ATF7IP: variants seen among roughly 807,000 people sequenced by gnomAD.
The protein encoded by ATF7IP is activating transcription factor 7 interacting protein.
Under a neutral mutation model 106.4 loss-of-function variants are expected in ATF7IP, and 23 were observed. That is an observed-to-expected ratio of 0.22 (90% CI 0.16 to 0.31). ATF7IP has a LOEUF of 0.31. ATF7IP is among the 10% of genes least tolerant of loss of function. The pLI is 1.00. For synonymous variants in ATF7IP, 542 were observed against 539.0 expected (o/e 1.01, Z -0.08); for missense variants, 1,334 against 1,524.3 (o/e 0.88, Z 2.08).
At chr12:14,397,196 A>G (rs1339708057) in intron 1 of ATF7IP, among the ~76,000 whole-genome samples, 4 of 152,112 alleles carry the variant, frequency 2.6e-5, no homozygotes, top group Non-Finnish European at 5.9e-5. Context: ...CAAAAAAACA[A>G]AACACCAAAA....
intron 5 of ATF7IP, among the ~76,000 whole-genome samples, chr12:14,444,475 A>G (rs1159074306): frequency 2.0e-5 from 3 of 152,242 alleles, no homozygotes; most frequent in South Asian, 4.1e-4. Context: ...ATAAAACCCA[A>G]TGTAATAGAA....
At chr12:14,486,656 A>C (rs909985007) in intron 13 of ATF7IP, among the ~76,000 whole-genome samples, 1 of 152,206 alleles carries the variant, frequency 6.6e-6, no homozygotes, top group African/African-American at 2.4e-5. Context: ...TTAATTATCC[A>C]ATGCTAGAGC....
At chr12:14,461,174 C>T (rs781224793) in intron 9 of ATF7IP, 41 bp downstream of exon 9, 2 of 1,563,620 alleles carry the variant, frequency 1.3e-6, no homozygotes, top group East Asian at 2.3e-5. Flanking sequence ...ATGCAAGCAT[C>T]TTAATAGCCT....
chr12:14,437,978 G>A (rs111474484), intron 4 of ATF7IP, 152 bp from the exon 5 acceptor site: 8,728 of 569,594 alleles, frequency 0.015, 626 homozygotes, highest in African/African-American at 0.15. Context: ...GCGTGAACCC[G>A]GGAGGCGGAG....
At chr12:14,484,840 T>C (rs1224264762) in intron 13 of ATF7IP, among the ~76,000 whole-genome samples, 1 of 152,224 alleles carries the variant, frequency 6.6e-6, no homozygotes, top group Non-Finnish European at 1.5e-5. Context: ...GGAATGCTGC[T>C]GTGCATGACC....
At chr12:14,396,958 C>G (rs990196870) in intron 1 of ATF7IP, among the ~76,000 whole-genome samples, 1 of 151,894 alleles carries the variant, frequency 6.6e-6, no homozygotes, top group African/African-American at 2.4e-5. Context: ...GTCAGGAGTT[C>G]GAGACCAGCC....
intron 1 of ATF7IP, among the ~76,000 whole-genome samples, chr12:14,415,279 G>T (rs534730572): frequency 6.6e-6 from 1 of 152,264 alleles, no homozygotes; most frequent in South Asian, 2.1e-4. Context: ...TTTTGCCCAT[G>T]TAACACAATG....
intron 10 of ATF7IP, among the ~76,000 whole-genome samples, chr12:14,472,550 A>G: frequency 6.6e-6 from 1 of 151,794 alleles, no homozygotes; most frequent in Non-Finnish European, 1.5e-5. Context: ...CTTTCCTGAA[A>G]CCACCCTGGT....
At chr12:14,493,777 CT>C (rs1944906337) in intron 13 of ATF7IP, among the ~76,000 whole-genome samples, 1 of 152,106 alleles carries the variant, frequency 6.6e-6, no homozygotes, top group Admixed American at 6.5e-5. Context: ...ATGATAAGAG[CT>C]TGTGTCTGTT....
intron 1 of ATF7IP, among the ~76,000 whole-genome samples, chr12:14,413,737 GTTTCTT>G (rs749430996): frequency 5.3e-5 from 8 of 151,966 alleles, no homozygotes; most frequent in Non-Finnish European, 1.0e-4. Flanking sequence ...ATAAGCATCA[GTTTCTT>G]TTTCTCCTTT....
chr12:14,459,258 T>G (rs1943549515), intron 8 of ATF7IP, among the ~76,000 whole-genome samples: 1 of 152,212 alleles, frequency 6.6e-6, no homozygotes, highest in African/African-American at 2.4e-5. Flanking sequence ...GACTGCTAGT[T>G]GAGTTTACAG....
chr12:14,381,867 G>T (rs1395431552), intron 1 of ATF7IP, among the ~76,000 whole-genome samples: 2 of 148,420 alleles, frequency 1.3e-5, no homozygotes, highest in South Asian at 2.1e-4. Flanking sequence ...ATTAATTCTA[G>T]TTTTTTTTTT....
rs1316119273 is a variant in ATF7IP at position 14,438,132 on chromosome 12, T to A, written c.1794T>A (p.Val598=). The A allele has an allele frequency of 6.2e-7, 1 of 1,612,272 alleles. No homozygotes were observed. Among genetic ancestry groups the A allele is most frequent in the African/African-American group, 1.3e-5 (1 of 74,912 alleles). ...KGDINQKLQK[V]IQWLLEEKLC... ...TGAAGGAATATTTGTTTCTTTAGGT[T>A]ATACAGTGGTTGCTGGAAGAAAAAT... The change falls in exon 5 of 15, where the codon GTT becomes GTA. Residue 598 remains valine, a splice_region_variant and synonymous_variant. Transcript: ENST00000261168.
At chr12:14,390,267 A>G (rs1939472643) in intron 1 of ATF7IP, among the ~76,000 whole-genome samples, 1 of 152,230 alleles carries the variant, frequency 6.6e-6, no homozygotes, top group African/African-American at 2.4e-5. Flanking sequence ...GACTTAGAAT[A>G]TATAAAGTCA....
At position 14,386,746 on chromosome 12, in the gene ATF7IP, C is replaced by T. The variant is rs569222762; in HGVS notation, c.-8+20919C>T. ...AACAAAACTTGGAAACGAGATCGTA[C>T]ATGACAATTATAATCTTGTATTAGA... On this transcript the variant is annotated intron_variant, in intron 1 of 14. Transcript: ENST00000261168. Among the ~76,000 whole-genome samples, 6 of 152,212 alleles carry T rather than the reference C, an allele frequency of 3.9e-5. No homozygotes were observed. The South Asian group carries it at 1.2e-3, about 32-fold the overall frequency.
intron 11 of ATF7IP, 43 bp downstream of exon 11, chr12:14,476,011 T>G: frequency 2.1e-6 from 3 of 1,439,038 alleles, no homozygotes; most frequent in Non-Finnish European, 2.9e-6. Context: ...TTGATACCAT[T>G]TTTTTTGTCT....
intron 11 of ATF7IP, 40 bp downstream of exon 11, chr12:14,476,008 C>A: frequency 6.7e-7 from 1 of 1,488,202 alleles, no homozygotes; most frequent in Non-Finnish European, 9.4e-7. Context: ...GTTTTGATAC[C>A]ATTTTTTTTG....
chr12:14,471,506 G>T (rs1565541051), intron 10 of ATF7IP, among the ~76,000 whole-genome samples: 1 of 151,812 alleles, frequency 6.6e-6, no homozygotes, highest in African/African-American at 2.4e-5. Context: ...TTCCCTCTTT[G>T]TCTCTCTGAC....
At chr12:14,444,438 A>G (rs1942855648) in intron 5 of ATF7IP, among the ~76,000 whole-genome samples, 1 of 152,168 alleles carries the variant, frequency 6.6e-6, no homozygotes, top group Admixed American at 6.5e-5. Flanking sequence ...ATATGCAGTG[A>G]AATTCTTGGT....
Sources: allele counts gnomAD v4.1 joint callset (sites outside exome capture counted in the v4.1 genomes callset), GRCh38; gene constraint gnomAD v4.1.1; transcripts MANE v1.5; gene names NCBI Gene and HGNC (gene_info 2026-07-23, HGNC 2026-07-21).